Variants in NAALADL2 observed in about 807,000 individuals in gnomAD.
NAALADL2 encodes inactive N-acetylated-alpha-linked acidic dipeptidase-like protein 2.
A neutral mutation model predicts 87.2 loss-of-function variants in NAALADL2; 76 were observed. That is an observed-to-expected ratio of 0.87 (90% CI 0.72 to 1.05). NAALADL2 has a LOEUF of 1.05. Ranked by LOEUF, NAALADL2 falls within the 50% of genes least tolerant of loss-of-function variation. The pLI is 0.00. For synonymous variants in NAALADL2, 354 were observed against 331.0 expected (o/e 1.07, Z -0.75); for missense variants, 1,089 against 945.8 (o/e 1.15, Z -1.99).
intron 9 of NAALADL2, among the ~76,000 whole-genome samples, chr3:175,479,420 A>G (rs1433604161): frequency 6.6e-6 from 1 of 151,874 alleles, no homozygotes; most frequent in Non-Finnish European, 1.5e-5. Flanking sequence ...TAAATAGAAC[A>G]TGCAGCCTTT....
chr3:175,404,369 C>T (rs1220940049), intron 5 of NAALADL2, among the ~76,000 whole-genome samples: 1 of 152,082 alleles, frequency 6.6e-6, no homozygotes, highest in Non-Finnish European at 1.5e-5. Flanking sequence ...TAATAATTTG[C>T]TAATGAAAGT....
At chr3:175,493,053 TTCTG>T (rs1728326064) in intron 9 of NAALADL2, among the ~76,000 whole-genome samples, 2 of 152,054 alleles carry the variant, frequency 1.3e-5, no homozygotes, top group South Asian at 2.1e-4. Context: ...ACACATATCT[TTCTG>T]TATATTTATA....
At chr3:174,552,809 A>AT (rs1712298338) in intron 2 of NAALADL2, among the ~76,000 whole-genome samples, 1 of 151,464 alleles carries the variant, frequency 6.6e-6, no homozygotes, top group African/African-American at 2.4e-5. Context: ...AAAAAAAAAA[A>AT]AAAAAAAAAA....
intron 9 of NAALADL2, among the ~76,000 whole-genome samples, chr3:175,527,105 G>T (rs1733520642): frequency 6.6e-6 from 1 of 152,088 alleles, no homozygotes; most frequent in Non-Finnish European, 1.5e-5. Context: ...TGAGGAATCT[G>T]CTAATCTGAG....
intron 10 of NAALADL2, among the ~76,000 whole-genome samples, chr3:175,605,426 A>T (rs1723556236): frequency 6.6e-6 from 1 of 152,156 alleles, no homozygotes; most frequent in African/African-American, 2.4e-5. Flanking sequence ...GGAAACTCTT[A>T]TGGGGAAATA....
In NAALADL2 at chr3:175,015,004, T is replaced by A. The variant is rs544119622; in HGVS notation, c.44-81786T>A. On this transcript the variant is annotated intron_variant, in intron 1 of 13. Transcript: ENST00000454872. ...CTTTATTCATTTAACATTAGATGTGTATTAGATTTTCTCAATAGAAAGCAT... is the reference window on the plus strand; with the variant it reads ...CTTTATTCATTTAACATTAGATGTGAATTAGATTTTCTCAATAGAAAGCAT... Among the ~76,000 whole-genome samples, 8 of 152,232 alleles carry A rather than the reference T, an allele frequency of 5.3e-5. No individual in the cohort carries two copies. The East Asian group carries it at 1.5e-3, about 29-fold the overall frequency.
At chr3:175,459,792 A>G (rs985929577) in intron 6 of NAALADL2, among the ~76,000 whole-genome samples, 1 of 152,110 alleles carries the variant, frequency 6.6e-6, no homozygotes, top group African/African-American at 2.4e-5. Context: ...TCCAGTAGAT[A>G]TGGGAAGGCC....
intron 9 of NAALADL2, among the ~76,000 whole-genome samples, chr3:175,552,672 A>C (rs1443687362): frequency 6.6e-6 from 1 of 152,160 alleles, no homozygotes; most frequent in Non-Finnish European, 1.5e-5. Context: ...CAAGATGTGA[A>C]GCATGTATTA....
At chr3:175,215,219 G>A (rs543018462) in intron 2 of NAALADL2, among the ~76,000 whole-genome samples, 17 of 152,192 alleles carry the variant, frequency 1.1e-4, no homozygotes, top group Admixed American at 3.3e-4. Context: ...TTTCAGGGTT[G>A]ATGTGAACAT....
intron 1 of NAALADL2, among the ~76,000 whole-genome samples, chr3:174,522,727 G>C (rs1288890609): frequency 6.6e-6 from 1 of 151,872 alleles, no homozygotes; most frequent in Non-Finnish European, 1.5e-5. Flanking sequence ...GAGGTCAGGA[G>C]ATCGAGACCA....
intron 2 of NAALADL2, among the ~76,000 whole-genome samples, chr3:175,171,926 G>A (rs1476161203): frequency 2.6e-5 from 4 of 152,054 alleles, no homozygotes; most frequent in African/African-American, 7.2e-5. Flanking sequence ...GTGGCAGTTG[G>A]GGGGATAAAG....
At chr3:175,620,310 T>C (rs941307383) in intron 10 of NAALADL2, among the ~76,000 whole-genome samples, 2 of 152,184 alleles carry the variant, frequency 1.3e-5, no homozygotes, top group Admixed American at 6.5e-5. Flanking sequence ...GCCCCTGCCA[T>C]GGCTCCACGC....
At chr3:174,831,725 A>G (rs1388548273) in intron 3 of NAALADL2, among the ~76,000 whole-genome samples, 2 of 151,314 alleles carry the variant, frequency 1.3e-5, no homozygotes, top group Non-Finnish European at 3.0e-5. Flanking sequence ...TCGGCTGTGA[A>G]TCCATCTGGT....
intron 2 of NAALADL2, among the ~76,000 whole-genome samples, chr3:174,693,013 A>T (rs960755536): frequency 1.3e-5 from 2 of 150,484 alleles, no homozygotes; most frequent in African/African-American, 4.9e-5. Context: ...ATAAATGATA[A>T]TTAATTCCTC....
intron 2 of NAALADL2, among the ~76,000 whole-genome samples, chr3:175,189,049 C>A (rs555978542): frequency 1.8e-4 from 27 of 152,254 alleles, no homozygotes; most frequent in African/African-American, 6.3e-4. Flanking sequence ...AGTTATCCAC[C>A]CATGCCTTGG....
At chr3:174,592,302 G>A (rs577530707) in intron 2 of NAALADL2, among the ~76,000 whole-genome samples, 25 of 152,096 alleles carry the variant, frequency 1.6e-4, no homozygotes, top group Admixed American at 5.9e-4. Context: ...CAATGTGCAG[G>A]TTAGTTACAT....
chr3:174,516,915 A>C (rs1276023767), intron 1 of NAALADL2, among the ~76,000 whole-genome samples: 1 of 151,992 alleles, frequency 6.6e-6, no homozygotes, highest in African/African-American at 2.4e-5. Context: ...AATTTTGGAA[A>C]AAATAAATGA....
intron 9 of NAALADL2, among the ~76,000 whole-genome samples, chr3:175,575,724 G>A (rs1025065850): frequency 3.9e-5 from 6 of 151,930 alleles, no homozygotes; most frequent in Admixed American, 6.6e-5. Flanking sequence ...TTTAAATATC[G>A]TCAGAGTCAT....
In NAALADL2 at chr3:175,663,471, T is replaced by G. The variant is rs568902016; in HGVS notation, c.1896+36085T>G. On this transcript the variant is annotated intron_variant, in intron 11 of 13. Transcript: ENST00000454872. ...TTTAGTTGTCCTTGCTAAGAATTTG[T>G]TGATTTTATTTCATTTTTTTCAATA... Among the ~76,000 whole-genome samples the G allele has an allele frequency of 1.1e-3, 173 of 152,040 alleles. 1 individual carries two copies. Among genetic ancestry groups the G allele is most frequent in the African/African-American group, 4.0e-3 (168 of 41,558 alleles).
Sources: allele counts gnomAD v4.1 joint callset (sites outside exome capture counted in the v4.1 genomes callset), GRCh38; gene constraint gnomAD v4.1.1; transcripts MANE v1.5; gene names NCBI Gene and HGNC (gene_info 2026-07-23, HGNC 2026-07-21).